Variants in KIF25 observed in about 807,000 individuals in gnomAD.
KIF25 encodes the protein kinesin family member 25, also known as kinesin-like protein KIF25.
In KIF25, 19 loss-of-function variants were observed where a neutral mutation model predicts 32.9. The ratio of observed to expected loss-of-function variants is 0.58; its 90% CI spans 0.40 to 0.85. The LOEUF is 0.85. Among genes scored for constraint, KIF25 ranks in the 40% least tolerant of loss-of-function variants. The pLI is 0.00. For missense variants in KIF25, 485 were observed against 507.0 expected (o/e 0.96, Z 0.42); for synonymous variants, 225 against 213.7 (o/e 1.05, Z -0.46).
intron 12 of KIF25, 104 bp from the exon 13 acceptor site, chr6:168,044,723 G>C: frequency 4.1e-6 from 5 of 1,207,008 alleles, no homozygotes; most frequent in Non-Finnish European, 5.7e-6. Flanking sequence ...GGCGCCGGGC[G>C]GCCCTCTCTG....
chr6:168,010,807 T>C (rs1798638035), intron 4 of KIF25, among the ~76,000 whole-genome samples: 1 of 152,122 alleles, frequency 6.6e-6, no homozygotes, highest in South Asian at 2.1e-4. Flanking sequence ...GGTGAAAATA[T>C]ATTTACAATT....
intron 5 of KIF25, among the ~76,000 whole-genome samples, chr6:168,026,420 C>A (rs1798861744): frequency 6.6e-6 from 1 of 152,190 alleles, no homozygotes. Flanking sequence ...ATATAAATCT[C>A]TGCAAGAATT....
At chr6:168,039,461 C>T (rs915361394) in intron 9 of KIF25, among the ~76,000 whole-genome samples, 1 of 152,236 alleles carries the variant, frequency 6.6e-6, no homozygotes, top group African/African-American at 2.4e-5. Context: ...ACAGAAGGAA[C>T]CCTCCCCATG....
chr6:168,030,000 C>G (rs1299397114), intron 6 of KIF25, among the ~76,000 whole-genome samples: 1 of 152,202 alleles, frequency 6.6e-6, no homozygotes, highest in Non-Finnish European at 1.5e-5. Flanking sequence ...CAAAACCTGT[C>G]GTTCAGGAAA....
At chr6:168,029,781 T>A in intron 6 of KIF25, 104 bp downstream of exon 6, 1 of 1,419,992 alleles carries the variant, frequency 7.0e-7, no homozygotes, top group Non-Finnish European at 9.5e-7. Flanking sequence ...CTTGGTGTAT[T>A]TTCTGAGTGA....
chr6:168,044,582 C>T (rs554331482), intron 12 of KIF25, among the ~76,000 whole-genome samples: 135 of 135,640 alleles, frequency 1.0e-3, no homozygotes, highest in South Asian at 1.6e-3. Context: ...CTGACCCTCC[C>T]GGAGGGTGAG....
chr6:168,028,300 T>C (rs540088013), intron 5 of KIF25, among the ~76,000 whole-genome samples: 1 of 152,290 alleles, frequency 6.6e-6, no homozygotes, highest in East Asian at 1.9e-4. Flanking sequence ...TCTGTCCACC[T>C]TGGCCTCCCA....
rs1465139419 is a variant in KIF25, at chr6:168,030,806, C to G, written c.126C>G (p.Val42=). The change falls in exon 7 of 13, where the codon GTC becomes GTG. Residue 42 remains valine, a synonymous_variant. Coordinates refer to ENST00000643607, the MANE Select transcript of KIF25 (RefSeq NM_030615.4). The stretch of plus-strand genomic sequence containing the variant: ...GTCCAGCAGAGTCTCAGAGCGCGGT[C>G]TTTGGAGATGTGTGCCCCCTACTCA... The part of the protein sequence containing the change: ...VYGPAESQSA[V]FGDVCPLLTS... The G allele has an allele frequency of 6.2e-7, 1 of 1,613,254 alleles. No individual in the cohort carries two copies. Among genetic ancestry groups the G allele is most frequent in the African/African-American group, 1.3e-5 (1 of 74,826 alleles).
At chr6:168,000,908 G>T (rs1798492140) in intron 2 of KIF25, among the ~76,000 whole-genome samples, 1 of 152,236 alleles carries the variant, frequency 6.6e-6, no homozygotes, top group Non-Finnish European at 1.5e-5. Context: ...CACAGTGTTT[G>T]CATCCTGCAG....
intron 6 of KIF25, 88 bp from the exon 7 acceptor site, chr6:168,030,685 G>T: frequency 4.6e-6 from 4 of 877,508 alleles, no homozygotes; most frequent in Non-Finnish European, 7.3e-6. Flanking sequence ...AAGTACACGG[G>T]GCGTTGTGTT....
chr6:168,012,838 G>A (rs1241499971), intron 4 of KIF25, among the ~76,000 whole-genome samples: 4 of 152,052 alleles, frequency 2.6e-5, no homozygotes, highest in Non-Finnish European at 5.9e-5. Context: ...TGCTTCTCAG[G>A]CCTGGGACGA....
At chr6:168,006,235 G>T (rs1458974970) in intron 4 of KIF25, among the ~76,000 whole-genome samples, 1 of 151,574 alleles carries the variant, frequency 6.6e-6, no homozygotes, top group Non-Finnish European at 1.5e-5. Context: ...CGATGGGGGG[G>T]TCTCACTATG....
At chr6:168,033,499 CAAA>C (rs56253243) in intron 7 of KIF25, among the ~76,000 whole-genome samples, 11 of 113,770 alleles carry the variant, frequency 9.7e-5, no homozygotes, top group African/African-American at 1.3e-4. Context: ...GAATCCGTCT[CAAA>C]AAAAAAAAAA....
chr6:168,006,362 C>A (rs926999494), intron 4 of KIF25, among the ~76,000 whole-genome samples: 2 of 152,074 alleles, frequency 1.3e-5, no homozygotes, highest in African/African-American at 4.8e-5. Flanking sequence ...TAAAAGTGTT[C>A]TTATCATTTA....
intron 9 of KIF25, among the ~76,000 whole-genome samples, chr6:168,039,494 C>G (rs1203186815): frequency 7.2e-5 from 11 of 152,214 alleles, no homozygotes; most frequent in Non-Finnish European, 1.5e-4. Context: ...GTCAGGCTGC[C>G]CATCCTGGGC....
At chr6:168,011,437 T>C (rs1798645705) in intron 4 of KIF25, among the ~76,000 whole-genome samples, 1 of 152,244 alleles carries the variant, frequency 6.6e-6, no homozygotes, top group Non-Finnish European at 1.5e-5. Context: ...TTATTTTTCT[T>C]TCATTTCTGA....
Position 168,042,636 on chromosome 6 carries a change from T to C in KIF25, c.905T>C (p.Val302Ala). ...CGCAGCCTTGCGGCCCTGGCAGGCGTCCTGGGGGCTTTGTTGGAGCACCGT... is the reference window on the plus strand; with the variant it reads ...CGCAGCCTTGCGGCCCTGGCAGGCGCCCTGGGGGCTTTGTTGGAGCACCGT... ...ISRSLAALAG[V>A]LGALLEHRGH... is the part of the protein sequence containing the mutation. The change falls in exon 12 of 13, where the codon GTC becomes GCC. Residue 302 changes from valine (V) to alanine (A), a missense_variant. By Grantham distance (64) the Val-to-Ala change is moderately conservative. Around this residue, in one of 2 missense-constraint regions of KIF25, gnomAD observed 480 missense variants for 470.3 expected, o/e 1.02. Transcript: ENST00000643607. 2 of 1,613,862 alleles carry C rather than the reference T, an allele frequency of 1.2e-6. No individual in the cohort carries two copies. The highest frequency in any genetic ancestry group is 1.7e-6 in the Non-Finnish European group (2 of 1,180,016).
chr6:168,040,506 C>T (rs931500822), intron 10 of KIF25, among the ~76,000 whole-genome samples: 1 of 151,656 alleles, frequency 6.6e-6, no homozygotes, highest in African/African-American at 2.4e-5. Flanking sequence ...GCAGAGGTTG[C>T]GATGAGCCGA....
chr6:168,044,585 A>ACCC (rs538028780), intron 12 of KIF25, among the ~76,000 whole-genome samples: 4 of 124,724 alleles, frequency 3.2e-5, no homozygotes, highest in South Asian at 2.9e-4. Context: ...ACCCTCCCGG[A>ACCC]GGGTGAGGGG....
Sources: gnomAD v4.1 joint callset for allele counts (sites outside exome capture counted in the v4.1 genomes callset) on GRCh38, gnomAD v4.1.1 for gene constraint, gnomAD v4.1.1 regional missense constraint, MANE v1.5 for transcripts, NCBI Gene and HGNC (gene_info 2026-07-23, HGNC 2026-07-21) for gene names.